The following USP10 variants were observed in gnomAD, a reference collection of about 807,000 sequenced individuals.
The protein encoded by USP10 is ubiquitin specific peptidase 10, also known as ubiquitin carboxyl-terminal hydrolase 10.
Under a neutral mutation model 84.5 loss-of-function variants are expected in USP10, and 22 were observed. That is an observed-to-expected ratio of 0.26 (90% CI 0.19 to 0.37). The LOEUF (loss-of-function observed/expected upper bound fraction) is 0.37, where lower values mean the gene tolerates loss of function less well. Among genes scored for constraint, USP10 ranks in the 10% least tolerant of loss-of-function variants. The pLI, the probability that USP10 is intolerant of heterozygous loss-of-function variation, is 1.00. For synonymous variants in USP10, 454 were observed against 387.6 expected, an observed-to-expected ratio of 1.17 and a Z score of -2.01; for missense variants, 1,019 against 998.9, an observed-to-expected ratio of 1.02 and a Z score of -0.27.
At chr16:84,719,366 C>A (rs986690158) in intron 1 of USP10, among the ~76,000 whole-genome samples, 1 of 152,152 alleles carries the variant, frequency 6.6e-6, no homozygotes, top group Non-Finnish European at 1.5e-5. Context: ...TTACTTGGAT[C>A]ACGGGAATGC....
chr16:84,716,432 A>G (rs943365854), intron 1 of USP10: 2 of 152,160 alleles, frequency 1.3e-5, no homozygotes, highest in Non-Finnish European at 2.9e-5. Flanking sequence ...TCATTCAGCA[A>G]ATCTTTATTA....
At chr16:84,730,975 CCTTT>C (rs1909138207) in intron 1 of USP10, among the ~76,000 whole-genome samples, 1 of 136,072 alleles carries the variant, frequency 7.3e-6, no homozygotes. Flanking sequence ...AGCATTTCTA[CCTTT>C]TTTTTTTTTT....
intron 9 of USP10, 92 bp downstream of exon 9, chr16:84,763,180 C>A (rs901867199): frequency 4.5e-6 from 3 of 673,240 alleles, no homozygotes; most frequent in African/African-American, 1.8e-5. Context: ...CCCTGCCCCT[C>A]AGTCGTTTTC....
chr16:84,728,631 C>CT (rs917199748), intron 1 of USP10, among the ~76,000 whole-genome samples: 2 of 151,650 alleles, frequency 1.3e-5, no homozygotes, highest in Non-Finnish European at 2.9e-5. Flanking sequence ...GTCCGGCCTC[C>CT]TTTTGTAGTT....
At chr16:84,728,471 C>G (rs1360929043) in intron 1 of USP10, among the ~76,000 whole-genome samples, 3 of 151,928 alleles carry the variant, frequency 2.0e-5, no homozygotes, top group Non-Finnish European at 4.4e-5. Flanking sequence ...TCCCGGGTAG[C>G]TGGGACTACA....
intron 1 of USP10, among the ~76,000 whole-genome samples, chr16:84,711,051 A>G (rs144493110): frequency 2.6e-5 from 4 of 152,154 alleles, no homozygotes; most frequent in African/African-American, 9.7e-5. Context: ...GCCGAGTGGA[A>G]TGGTGGAACA....
intron 1 of USP10, among the ~76,000 whole-genome samples, chr16:84,708,657 C>G (rs186736774): frequency 1.3e-5 from 2 of 152,304 alleles, no homozygotes; most frequent in Non-Finnish European, 2.9e-5. Flanking sequence ...TTTGTTTCAT[C>G]AGAGTACTGC....
rs772423546 is a variant in USP10, at chr16:84,719,650, T to C, written c.22-13785T>C. On this transcript the variant is annotated intron_variant, in intron 1 of 13. Coordinates refer to ENST00000219473, the MANE Select transcript of USP10 (RefSeq NM_005153.3). The stretch of plus-strand genomic sequence containing the variant: ...TGGAAAATAGAATATAGGAAGCCGA[T>C]TGGGTGGAAAACATCTCTTCTAGTG... Among the ~76,000 whole-genome samples, 5 of 152,270 alleles carry C rather than the reference T, an allele frequency of 3.3e-5. No homozygotes were observed. In the East Asian group the frequency reaches 7.7e-4, roughly 23 times the overall value.
At chr16:84,777,041 A>T (rs1452156012) in intron 13 of USP10, among the ~76,000 whole-genome samples, 2 of 152,178 alleles carry the variant, frequency 1.3e-5, no homozygotes, top group Non-Finnish European at 2.9e-5. Context: ...GCCTATTCTG[A>T]TCTTGGAAAT....
chr16:84,704,595 T>C (rs757245251), intron 1 of USP10: 95 of 1,037,656 alleles, frequency 9.2e-5, no homozygotes, highest in Non-Finnish European at 1.2e-4. Context: ...GAAGAATTAG[T>C]GTAGGAAAAT....
intron 1 of USP10, among the ~76,000 whole-genome samples, 193 bp downstream of exon 1, chr16:84,700,304 A>T (rs1904674927): frequency 6.6e-6 from 1 of 151,748 alleles, no homozygotes; most frequent in Non-Finnish European, 1.5e-5. Flanking sequence ...CCCCTGAGCC[A>T]CCCGGACCCC....
chr16:84,719,128 A>G (rs1210632437), intron 1 of USP10, among the ~76,000 whole-genome samples: 1 of 152,130 alleles, frequency 6.6e-6, no homozygotes, highest in African/African-American at 2.4e-5. Context: ...TTTTGCCTTT[A>G]TTAACTTGTT....
At chr16:84,755,804 A>G (rs1912467445) in intron 4 of USP10, among the ~76,000 whole-genome samples, 1 of 151,956 alleles carries the variant, frequency 6.6e-6, no homozygotes, top group Non-Finnish European at 1.5e-5. Flanking sequence ...TCAAAAAAAA[A>G]AAAAAAAATC....
At chr16:84,712,998 G>T (rs1361770146) in intron 1 of USP10, among the ~76,000 whole-genome samples, 2 of 152,142 alleles carry the variant, frequency 1.3e-5, no homozygotes, top group South Asian at 2.1e-4. Flanking sequence ...ATCTATCTTC[G>T]CAGGCCTGCT....
intron 1 of USP10, among the ~76,000 whole-genome samples, chr16:84,704,021 G>A (rs535668611): frequency 2.0e-5 from 3 of 152,356 alleles, no homozygotes; most frequent in South Asian, 4.1e-4. Flanking sequence ...AAAGGATTAC[G>A]AAGCTTAATG....
intron 1 of USP10, among the ~76,000 whole-genome samples, chr16:84,708,717 T>G (rs974391958): frequency 1.6e-4 from 25 of 152,250 alleles, no homozygotes; most frequent in African/African-American, 5.3e-4. Context: ...TCCTGAGAGA[T>G]AACCACATTT....
At chr16:84,774,900 G>A (rs888134107) in intron 12 of USP10, among the ~76,000 whole-genome samples, 1 of 152,098 alleles carries the variant, frequency 6.6e-6, no homozygotes, top group Non-Finnish European at 1.5e-5. Flanking sequence ...TTTTTAAGGG[G>A]CCTCCCACAG....
chr16:84,742,005 C>A (rs1290304904), intron 3 of USP10, among the ~76,000 whole-genome samples: 3 of 152,180 alleles, frequency 2.0e-5, no homozygotes, highest in Non-Finnish European at 4.4e-5. Context: ...TGCAGCAAGC[C>A]CTTTGCAGAG....
intron 1 of USP10, among the ~76,000 whole-genome samples, chr16:84,724,226 A>T (rs559535364): frequency 6.6e-6 from 1 of 152,344 alleles, no homozygotes; most frequent in African/African-American, 2.4e-5. Flanking sequence ...ATATAGACAC[A>T]GGACTGGAAA....
Sources: gnomAD v4.1 joint callset for allele counts (sites outside exome capture counted in the v4.1 genomes callset) on GRCh38, gnomAD v4.1.1 for gene constraint, MANE v1.5 for transcripts, NCBI Gene and HGNC (gene_info 2026-07-23, HGNC 2026-07-21) for gene names.